Variants in SMURF1 observed in about 807,000 individuals in gnomAD.
SMURF1 encodes the protein SMAD specific E3 ubiquitin protein ligase 1.
In SMURF1, 44 loss-of-function variants were observed where a neutral mutation model predicts 98.0. The observed-to-expected ratio is 0.45, with a 90% CI of 0.35 to 0.58. SMURF1 has a LOEUF of 0.58. Ranked by LOEUF, SMURF1 falls within the 20% of genes least tolerant of loss-of-function variation. The probability of loss-of-function intolerance (pLI) is 0.00; values close to 1 mark genes in which losing one functional copy is unlikely to be tolerated. For missense variants in SMURF1, 687 were observed against 938.4 expected (o/e 0.73, Z 3.50); for synonymous variants, 396 against 374.9 (o/e 1.06, Z -0.65).
Position 99,143,880 on chromosome 7 carries a change from C to A in SMURF1, c.-100G>T, listed in dbSNP as rs1028568954. On this transcript the variant is annotated 5_prime_UTR_variant, in exon 1 of 18. Coordinates refer to ENST00000361368, the MANE Select transcript of SMURF1 (RefSeq NM_181349.3). ...GCCGCCTCAAGGTTACGGCTCCGGG[C>A]TGGGCGCCGGGGTCCGAGCCGGGAC... 4.0e-5 allele frequency: 45 copies of A among 1,130,566 alleles called. No homozygotes were observed. In the African/African-American group the frequency reaches 7.1e-4, roughly 18 times the overall value. 70.0% of individuals were successfully genotyped at this position (1,130,566 alleles called of 1,614,324 possible). A position where few individuals can be genotyped will look rare whatever the true frequency, so the allele number is the denominator to read the frequency against.
At chr7:99,062,983 G>A (rs547524253) in intron 1 of SMURF1, among the ~76,000 whole-genome samples, 9 of 151,764 alleles carry the variant, frequency 5.9e-5, no homozygotes, top group East Asian at 1.9e-4. Flanking sequence ...GCTACACAAC[G>A]CAAGTGACTG....
intron 1 of SMURF1, among the ~76,000 whole-genome samples, chr7:99,093,219 A>G (rs1204274503): frequency 2.6e-5 from 4 of 152,218 alleles, no homozygotes; most frequent in African/African-American, 4.8e-5. Context: ...TTCCAGAATT[A>G]TAAGAAGGTT....
At chr7:99,033,168 G>A (rs1462228567) in intron 16 of SMURF1, 47 bp from the exon 17 acceptor site, 1 of 1,535,814 alleles carries the variant, frequency 6.5e-7, no homozygotes, top group South Asian at 1.2e-5. Context: ...TTACAGCCGT[G>A]GCGCTTCCCG....
At chr7:99,057,608 T>TG (rs71537231) in intron 3 of SMURF1, 57 bp from the exon 4 acceptor site, 419,754 of 1,393,794 alleles carry the variant, frequency 0.3, 34,721 homozygotes, top group African/African-American at 0.68. Flanking sequence ...TTGTTTTGTT[T>TG]TTTTTTTTTT....
intron 1 of SMURF1, among the ~76,000 whole-genome samples, chr7:99,136,037 G>A (rs1364968062): frequency 6.6e-6 from 1 of 152,132 alleles, no homozygotes; most frequent in East Asian, 1.9e-4. Flanking sequence ...AAAGAAAATG[G>A]GCATAAGAGA....
At chr7:99,051,542 A>G (rs1795752521) in intron 7 of SMURF1, 101 bp from the exon 8 acceptor site, 4 of 887,676 alleles carry the variant, frequency 4.5e-6, no homozygotes, top group South Asian at 4.1e-5. Context: ...CTAAATCTAG[A>G]TAACACTCCC....
At chr7:99,031,383 C>T (rs1794881906) in intron 17 of SMURF1, 1 of 152,216 alleles carries the variant, frequency 6.6e-6, no homozygotes, top group East Asian at 1.9e-4. Flanking sequence ...AAGAAAAAGA[C>T]ATCCTTTAAG....
intron 3 of SMURF1, among the ~76,000 whole-genome samples, chr7:99,058,827 G>A (rs1409403563): frequency 2.0e-5 from 3 of 152,190 alleles, no homozygotes; most frequent in Non-Finnish European, 4.4e-5. Context: ...AGTGGCTCAC[G>A]CCTATAATCC....
intron 1 of SMURF1, among the ~76,000 whole-genome samples, chr7:99,064,496 G>T (rs1796139408): frequency 6.6e-6 from 1 of 152,080 alleles, no homozygotes; most frequent in Non-Finnish European, 1.5e-5. Context: ...TCTTCAATCA[G>T]CCCTGGTAGT....
chr7:99,072,756 A>G (rs1796357171), intron 1 of SMURF1, among the ~76,000 whole-genome samples: 1 of 152,200 alleles, frequency 6.6e-6, no homozygotes, highest in Non-Finnish European at 1.5e-5. Flanking sequence ...CAATCTTCTA[A>G]AACAAAGTGC....
chr7:99,110,347 A>G (rs1436988850), intron 1 of SMURF1, among the ~76,000 whole-genome samples: 1 of 152,256 alleles, frequency 6.6e-6, no homozygotes, highest in Non-Finnish European at 1.5e-5. Context: ...GATGCAACAT[A>G]AAATCAGTTC....
chr7:99,037,685 C>CTGAT (rs1795200082), intron 14 of SMURF1, among the ~76,000 whole-genome samples: 1 of 152,218 alleles, frequency 6.6e-6, no homozygotes, highest in Non-Finnish European at 1.5e-5. Flanking sequence ...AGCACGTGCC[C>CTGAT]TGATTCATTC....
intron 7 of SMURF1, 143 bp downstream of exon 7, chr7:99,052,062 G>A (rs963206924): frequency 7.2e-6 from 8 of 1,115,976 alleles, no homozygotes; most frequent in Non-Finnish European, 8.6e-6. Flanking sequence ...TTGAGCTAGG[G>A]AGGTCAAGGC....
At chr7:99,071,186 A>T (rs1796310418) in intron 1 of SMURF1, among the ~76,000 whole-genome samples, 2 of 151,558 alleles carry the variant, frequency 1.3e-5, no homozygotes, top group African/African-American at 4.9e-5. Flanking sequence ...CAGCCCCCCT[A>T]GTAGCTGGGA....
intron 17 of SMURF1, 92 bp downstream of exon 17, chr7:99,032,945 C>G (rs1243506714): frequency 3.7e-6 from 5 of 1,366,436 alleles, no homozygotes; most frequent in Non-Finnish European, 5.1e-6. Flanking sequence ...GGCAGAGACT[C>G]CATCTCAAAA....
At position 99,089,264 on chromosome 7, in the gene SMURF1, C is replaced by T. The variant is rs192036902; in HGVS notation, c.56-27427G>A. 2.6e-5 allele frequency among the ~76,000 whole-genome samples: 4 copies of T among 151,764 alleles called. No individual in the cohort carries two copies. In the East Asian group the frequency reaches 5.8e-4, roughly 22 times the overall value. Reference sequence around the variant, plus strand: ...ACAGGACACCGCATATCCCAGGGTCCGTGTGTCAATTGCATGCATGCCTTA... The same window carrying T: ...ACAGGACACCGCATATCCCAGGGTCTGTGTGTCAATTGCATGCATGCCTTA... On this transcript the variant is annotated intron_variant, in intron 1 of 17. Coordinates refer to ENST00000361368, the MANE Select transcript of SMURF1 (RefSeq NM_181349.3).
rs1798210631 is a variant in SMURF1 at position 99,143,878 on chromosome 7, G to T, written c.-98C>A. ...CCGCCGCCTCAAGGTTACGGCTCCG[G>T]GCTGGGCGCCGGGGTCCGAGCCGGG... is the stretch of plus-strand genomic sequence containing the variant. On this transcript the variant is annotated 5_prime_UTR_variant, in exon 1 of 18. Transcript: ENST00000361368. The T allele has an allele frequency of 3.5e-6, 4 of 1,158,150 alleles. No homozygotes were observed. Among genetic ancestry groups the T allele is most frequent in the Non-Finnish European group, 3.4e-6 (3 of 875,982 alleles). The allele number at this position is 1,158,150 out of a possible 1,614,324, so 71.7% of individuals were successfully genotyped here. A position where few individuals can be genotyped will look rare whatever the true frequency, so the allele number is the denominator to read the frequency against.
At position 99,080,813 on chromosome 7, in the gene SMURF1, T is replaced by C. The variant is rs112052452; in HGVS notation, c.56-18976A>G. On this transcript the variant is annotated intron_variant, in intron 1 of 17. Coordinates refer to ENST00000361368, the MANE Select transcript of SMURF1 (RefSeq NM_181349.3). ...TCCTCCAGTGCTGCCAACATCTCCT[T>C]TTCCTGTCCTTCCAGGAAAACAGAA... is the stretch of plus-strand genomic sequence containing the variant. 9.3e-4 allele frequency among the ~76,000 whole-genome samples: 142 copies of C among 152,316 alleles called. 2 individuals carry two copies. Among genetic ancestry groups the C allele is most frequent in the African/African-American group, 3.3e-3 (136 of 41,570 alleles).
At chr7:99,050,557 C>CTGAA (rs3033108) in intron 8 of SMURF1, 2 of 151,832 alleles carry the variant, frequency 1.3e-5, no homozygotes, top group Admixed American at 7.0e-5. Context: ...AATTATTCTC[C>CTGAA]TGATTAATAA....
Sources: gnomAD v4.1 joint callset for allele counts (sites outside exome capture counted in the v4.1 genomes callset) on GRCh38, gnomAD v4.1.1 for gene constraint, MANE v1.5 for transcripts, NCBI Gene and HGNC (gene_info 2026-07-23, HGNC 2026-07-21) for gene names.